Variants in GALNT13 observed in about 807,000 individuals in gnomAD.
GALNT13 encodes the protein UDP-GalNAc:polypeptide N-acetylgalactosaminyltransferase 13.
Under a neutral mutation model 64.2 loss-of-function variants are expected in GALNT13, and 28 were observed. That is an observed-to-expected ratio of 0.44 (90% CI 0.32 to 0.60). The LOEUF (loss-of-function observed/expected upper bound fraction) is 0.60. Ranked by LOEUF, GALNT13 falls within the 20% of genes least tolerant of loss-of-function variation. GALNT13 has a pLI of 0.05. For synonymous variants in GALNT13, 214 were observed against 224.6 expected, an observed-to-expected ratio of 0.95 and a Z score of 0.42; for missense variants, 577 against 669.8, an observed-to-expected ratio of 0.86 and a Z score of 1.53.
chr2:153,731,160 G>A, the GALNT13 span, among the ~76,000 whole-genome samples: 1 of 151,222 alleles, frequency 6.6e-6, no homozygotes, highest in African/African-American at 2.4e-5. Context: ...TCACATATGT[G>A]ATGTATTATA....
the GALNT13 span, among the ~76,000 whole-genome samples, chr2:153,767,270 A>G: frequency 6.6e-6 from 1 of 152,132 alleles, no homozygotes; most frequent in African/African-American, 2.4e-5. Context: ...ATGTTGCTGC[A>G]AAGGACATGA....
the GALNT13 span, among the ~76,000 whole-genome samples, chr2:153,175,234 T>G: frequency 6.6e-6 from 1 of 152,160 alleles, no homozygotes; most frequent in Non-Finnish European, 1.5e-5. Context: ...AAAGTTATAC[T>G]CTTGGTCTTT....
intron 3 of GALNT13, among the ~76,000 whole-genome samples, chr2:154,011,481 T>C (rs1014095048): frequency 6.6e-6 from 1 of 152,176 alleles, no homozygotes; most frequent in Non-Finnish European, 1.5e-5. Context: ...AATTGTTTCA[T>C]GGCTGATTGT....
the GALNT13 span, among the ~76,000 whole-genome samples, chr2:153,610,400 C>T: frequency 1.2e-4 from 19 of 152,248 alleles, no homozygotes; most frequent in African/African-American, 3.8e-4. Context: ...TTGGGCCGGG[C>T]GCTGTGGCTC....
At chr2:153,497,076 A>G in the GALNT13 span, among the ~76,000 whole-genome samples, 14 of 151,864 alleles carry the variant, frequency 9.2e-5, no homozygotes, top group Non-Finnish European at 2.1e-4. Flanking sequence ...TTCCTCTTTG[A>G]GATGAAATTC....
chr2:153,300,725 GAGAGATTATGT>G, the GALNT13 span, among the ~76,000 whole-genome samples: 4 of 152,138 alleles, frequency 2.6e-5, no homozygotes, highest in South Asian at 4.1e-4. Flanking sequence ...ACCCACAGCT[GAGAGATTATGT>G]ACCATAACTG....
chr2:153,566,355 T>TTGTTTTTTTTTTGTTTTTG, the GALNT13 span, among the ~76,000 whole-genome samples: 1 of 68,198 alleles, frequency 1.5e-5, no homozygotes, highest in African/African-American at 4.9e-5. Context: ...CACGTTTTTT[T>TTGTTTTTTTTTTGTTTTTG]TTTTTTTTTT....
intron 2 of GALNT13, among the ~76,000 whole-genome samples, chr2:153,901,322 T>A (rs986295082): frequency 6.6e-6 from 1 of 152,130 alleles, no homozygotes; most frequent in African/African-American, 2.4e-5. Flanking sequence ...CTTTTTGGTT[T>A]ATGAATTATA....
At chr2:153,865,051 T>C in the GALNT13 span, among the ~76,000 whole-genome samples, 3 of 149,058 alleles carry the variant, frequency 2.0e-5, no homozygotes, top group Non-Finnish European at 4.5e-5. Flanking sequence ...GAAAAACAAG[T>C]AATGGGGAAA....
the GALNT13 span, among the ~76,000 whole-genome samples, chr2:153,842,056 G>A: frequency 2.6e-5 from 4 of 151,342 alleles, no homozygotes; most frequent in African/African-American, 9.7e-5. Context: ...GAGAGATTCT[G>A]TTTCCCATAA....
intron 12 of GALNT13, chr2:154,446,889 ACT>A (rs1701608499): frequency 1.0e-6 from 1 of 964,082 alleles, no homozygotes; most frequent in East Asian, 2.8e-5. Context: ...CATGGAGTTA[ACT>A]CTCTGTCTTT....
the GALNT13 span, among the ~76,000 whole-genome samples, chr2:153,527,305 G>A: frequency 4.6e-5 from 7 of 151,876 alleles, no homozygotes; most frequent in African/African-American, 1.7e-4. Context: ...GAAAAGGAAC[G>A]AATAACACAC....
chr2:154,010,399 T>G (rs1696552432), intron 3 of GALNT13, among the ~76,000 whole-genome samples: 1 of 152,242 alleles, frequency 6.6e-6, no homozygotes, highest in South Asian at 2.1e-4. Context: ...CATTTATTAA[T>G]TTGCCTATGT....
chr2:153,491,467 T>C, the GALNT13 span, among the ~76,000 whole-genome samples: 1 of 151,978 alleles, frequency 6.6e-6, no homozygotes, highest in African/African-American at 2.4e-5. Context: ...ATAACTGAAA[T>C]CATTTAGAAA....
chr2:153,988,709 T>C lies in GALNT13; in HGVS notation c.142+44070T>C, dbSNP rs151098936. Among the ~76,000 whole-genome samples, 19 of 152,080 alleles carry C rather than the reference T, an allele frequency of 1.2e-4. No individual in the cohort carries two copies. The East Asian group carries it at 3.7e-3, about 29-fold the overall frequency. ...GGGCATTGGTAGCCCTCTTGAGTAATATGCATCTATCTAAACCCTTGGTGA... is the reference window on the plus strand; with the variant it reads ...GGGCATTGGTAGCCCTCTTGAGTAACATGCATCTATCTAAACCCTTGGTGA... On this transcript the variant is annotated intron_variant, in intron 3 of 12. Coordinates refer to ENST00000392825, the MANE Select transcript of GALNT13 (RefSeq NM_052917.4).
chr2:154,386,748 T>C (rs62172314), intron 9 of GALNT13, among the ~76,000 whole-genome samples: 5 of 152,014 alleles, frequency 3.3e-5, no homozygotes, highest in Non-Finnish European at 7.4e-5. Flanking sequence ...CAAATTGTTC[T>C]TTTATTTTAA....
rs112555902 is a variant in GALNT13 at position 154,277,148 on chromosome 2, C to T, written c.975+18010C>T. Among the ~76,000 whole-genome samples the T allele has an allele frequency of 6.7e-3, 1,022 of 152,204 alleles. 12 individuals are homozygous for T. Among genetic ancestry groups the T allele is most frequent in the African/African-American group, 0.024 (979 of 41,536 alleles). On this transcript the variant is annotated intron_variant, in intron 8 of 12. Transcript: ENST00000392825. Reference sequence around the variant, plus strand: ...TTACATGAATGAAGTATTACTAAAGCATTACATGTGTATCTTATAAAACTA... The same window carrying T: ...TTACATGAATGAAGTATTACTAAAGTATTACATGTGTATCTTATAAAACTA...
the GALNT13 span, among the ~76,000 whole-genome samples, chr2:153,298,107 G>A: frequency 6.6e-6 from 1 of 152,114 alleles, no homozygotes; most frequent in Admixed American, 6.5e-5. Context: ...TCCCAGGACC[G>A]AAATTTTGTT....
the GALNT13 span, chr2:153,337,790 T>A: frequency 6.6e-6 from 1 of 152,216 alleles, no homozygotes; most frequent in Admixed American, 6.5e-5. Context: ...TGTAAGTTGA[T>A]CTAACCTAGT....
Sources: allele counts gnomAD v4.1 joint callset (sites outside exome capture counted in the v4.1 genomes callset), GRCh38; gene constraint gnomAD v4.1.1; transcripts MANE v1.5; gene names NCBI Gene and HGNC (gene_info 2026-07-23, HGNC 2026-07-21).